The following EHBP1 variants were observed in gnomAD, a reference collection of about 807,000 sequenced individuals.
EHBP1 encodes EH domain-binding protein 1.
In EHBP1, 55 loss-of-function variants were observed where a neutral mutation model predicts 144.0. The observed-to-expected ratio is 0.38, with a 90% CI of 0.31 to 0.48. The LOEUF is 0.48. Ranked by LOEUF, EHBP1 falls within the 20% of genes least tolerant of loss-of-function variation. The pLI is 0.98. For synonymous variants in EHBP1, 469 were observed against 472.7 expected, an observed-to-expected ratio of 0.99 and a Z score of 0.10; for missense variants, 1,200 against 1,364.2, an observed-to-expected ratio of 0.88 and a Z score of 1.90.
At chr2:62,815,359 A>G (rs969975037) in intron 5 of EHBP1, among the ~76,000 whole-genome samples, 30 of 152,254 alleles carry the variant, frequency 2.0e-4, no homozygotes, top group Non-Finnish European at 2.2e-4. Flanking sequence ...ATTTATAACC[A>G]GGAGCTAGCC....
intron 3 of EHBP1, 30 bp from the exon 4 acceptor site, chr2:62,764,236 A>G (rs1349055019): frequency 6.9e-7 from 1 of 1,442,286 alleles, no homozygotes; most frequent in Non-Finnish European, 9.4e-7. Flanking sequence ...CCCATACTTC[A>G]TATTGAAGGT....
chr2:63,039,386 T>G (rs921589010), intron 21 of EHBP1, among the ~76,000 whole-genome samples: 14 of 152,194 alleles, frequency 9.2e-5, no homozygotes, highest in African/African-American at 3.4e-4. Flanking sequence ...CATATATCAG[T>G]AAACATCAGC....
chr2:62,799,437 G>A (rs565335922), intron 5 of EHBP1, among the ~76,000 whole-genome samples: 7 of 152,056 alleles, frequency 4.6e-5, no homozygotes, highest in Admixed American at 2.0e-4. Context: ...TTTAAACTTC[G>A]GAAAGTTTAA....
intron 5 of EHBP1, among the ~76,000 whole-genome samples, chr2:62,800,673 A>T (rs1164272254): frequency 6.6e-6 from 1 of 152,208 alleles, no homozygotes; most frequent in Non-Finnish European, 1.5e-5. Context: ...GAAGCATTTG[A>T]AGGTGTTTCT....
At chr2:62,795,762 G>A (rs536802151) in intron 5 of EHBP1, among the ~76,000 whole-genome samples, 1 of 152,120 alleles carries the variant, frequency 6.6e-6, no homozygotes, top group South Asian at 2.1e-4. Context: ...ATAGCCCAAA[G>A]TAATTGTATT....
chr2:62,732,453 T>C (rs2037695921), intron 2 of EHBP1, among the ~76,000 whole-genome samples: 1 of 152,206 alleles, frequency 6.6e-6, no homozygotes, highest in South Asian at 2.1e-4. Flanking sequence ...AGGTGGGGCC[T>C]GATAGGAGGT....
At chr2:62,727,821 T>C (rs577760684) in intron 2 of EHBP1, among the ~76,000 whole-genome samples, 28 of 152,282 alleles carry the variant, frequency 1.8e-4, no homozygotes, top group Middle Eastern at 3.4e-3. Context: ...AAAATTAACA[T>C]AGGGCCAAGT....
chr2:62,699,442 A>C (rs763887150), intron 1 of EHBP1, among the ~76,000 whole-genome samples: 2 of 152,198 alleles, frequency 1.3e-5, no homozygotes, highest in Non-Finnish European at 2.9e-5. Context: ...TGCTGCTATA[A>C]TCCCAGTAAT....
chr2:62,988,939 T>C (rs865976253), intron 15 of EHBP1, among the ~76,000 whole-genome samples: 4 of 152,256 alleles, frequency 2.6e-5, no homozygotes, highest in Admixed American at 6.5e-5. Context: ...TTGGAAATAC[T>C]ATTATTACTT....
intron 19 of EHBP1, among the ~76,000 whole-genome samples, chr2:63,031,037 T>G (rs1166806262): frequency 6.6e-6 from 1 of 152,158 alleles, no homozygotes; most frequent in Non-Finnish European, 1.5e-5. Context: ...CCTCAGGTGA[T>G]CCGCCCACCT....
intron 19 of EHBP1, among the ~76,000 whole-genome samples, chr2:63,016,023 G>A (rs942159364): frequency 6.6e-6 from 1 of 151,964 alleles, no homozygotes; most frequent in Non-Finnish European, 1.5e-5. Flanking sequence ...TGATTACTAA[G>A]GTTCTGAAGT....
chr2:62,687,792 G>A (rs2033767949), intron 1 of EHBP1, among the ~76,000 whole-genome samples: 1 of 152,174 alleles, frequency 6.6e-6, no homozygotes, highest in African/African-American at 2.4e-5. Context: ...GCTATGAAAA[G>A]ATCAAGGAGA....
intron 14 of EHBP1, among the ~76,000 whole-genome samples, chr2:62,963,263 G>A (rs574991486): frequency 4.6e-5 from 7 of 152,280 alleles, no homozygotes; most frequent in Admixed American, 6.5e-5. Flanking sequence ...CATGAAGGGT[G>A]AGACATCAAC....
Position 62,942,876 on chromosome 2 carries a change from C to T in EHBP1, c.1344C>T (p.His448=), listed in dbSNP as rs1286870729. 1.2e-6 allele frequency: 2 copies of T among 1,603,376 alleles called. No homozygotes were observed. Among genetic ancestry groups the T allele is most frequent in the Admixed American group, 3.4e-5 (2 of 59,148 alleles). The part of the protein sequence containing the change: ...RNGLSFCAIL[H]HFRPDLIDYK... ...GTTTATCTTTTTGTGCAATATTACACCACTTTAGACCAGATTTAATGTAAG... is the reference window on the plus strand; with the variant it reads ...GTTTATCTTTTTGTGCAATATTACATCACTTTAGACCAGATTTAATGTAAG... Residue 448 remains histidine (H), a synonymous_variant, in exon 11 of 23, where the codon CAC becomes CAT. Transcript: ENST00000431489.
At position 62,863,837 on chromosome 2, in the gene EHBP1, GTTGTTTTTTTTTT is replaced by G. The variant is rs1373561227; in HGVS notation, c.758-891_758-879del. ...ATTTTTTTAAATTTTATTTTTCTGT[GTTGTTTTTTTTTT>G]TTTTTTTTTTTTTTTAAACAGAGTC... On this transcript the variant is annotated intron_variant, in intron 8 of 22. Transcript: ENST00000431489. Among the ~76,000 whole-genome samples, 49 of 74,576 alleles carry G rather than the reference GTTGTTTTTTTTTT, an allele frequency of 6.6e-4. 1 individual carries two copies. The highest frequency in any genetic ancestry group is 1.0e-3 in the Non-Finnish European group (41 of 39,452). 48.9% of individuals were successfully genotyped at this position (74,576 alleles called of 152,430 possible).
At chr2:62,693,944 CTG>C (rs2033994557) in intron 1 of EHBP1, among the ~76,000 whole-genome samples, 1 of 152,202 alleles carries the variant, frequency 6.6e-6, no homozygotes. Flanking sequence ...TCCAGTTTAT[CTG>C]TTTTTTTCTT....
chr2:62,716,615 T>A (rs189189791), intron 2 of EHBP1, among the ~76,000 whole-genome samples: 1 of 152,366 alleles, frequency 6.6e-6, no homozygotes, highest in Admixed American at 6.5e-5. Context: ...TCATTTATAC[T>A]TTACCATCAT....
chr2:62,752,380 A>T (rs2039827691), intron 3 of EHBP1, among the ~76,000 whole-genome samples: 1 of 152,174 alleles, frequency 6.6e-6, no homozygotes, highest in African/African-American at 2.4e-5. Context: ...ACATTTGCTG[A>T]GGAGTGCTTT....
At chr2:62,973,639 A>G (rs1247194474) in intron 14 of EHBP1, among the ~76,000 whole-genome samples, 1 of 152,242 alleles carries the variant, frequency 6.6e-6, no homozygotes, top group Non-Finnish European at 1.5e-5. Flanking sequence ...AGCAGCAGCC[A>G]TCATCAAACT....
Sources: allele counts gnomAD v4.1 joint callset (sites outside exome capture counted in the v4.1 genomes callset), GRCh38; gene constraint gnomAD v4.1.1; transcripts MANE v1.5; gene names NCBI Gene and HGNC (gene_info 2026-07-23, HGNC 2026-07-21).